SPG11: variants seen among roughly 807,000 people sequenced by gnomAD.
The protein encoded by SPG11 is spatacsin.
A neutral mutation model predicts 274.0 loss-of-function variants in SPG11; 222 were observed. The ratio of observed to expected loss-of-function variants is 0.81; its 90% CI spans 0.73 to 0.91. The LOEUF (loss-of-function observed/expected upper bound fraction) is 0.91. Ranked by LOEUF, SPG11 falls within the 40% of genes least tolerant of loss-of-function variation. The pLI, the probability that SPG11 is intolerant of heterozygous loss-of-function variation, is 0.00. For missense variants in SPG11, 3,114 were observed against 2,872.7 expected, an observed-to-expected ratio of 1.08 and a Z score of -1.92; for synonymous variants, 1,144 against 1,039.7, an observed-to-expected ratio of 1.10 and a Z score of -1.93.
At chr15:44,605,562 C>A (rs2083296960) in intron 20 of SPG11, among the ~76,000 whole-genome samples, 1 of 152,120 alleles carries the variant, frequency 6.6e-6, no homozygotes, top group Non-Finnish European at 1.5e-5. Flanking sequence ...GTGTGTGAAT[C>A]TGGTACTTAA....
intron 4 of SPG11, among the ~76,000 whole-genome samples, chr15:44,656,088 C>T: frequency 6.6e-6 from 1 of 151,970 alleles, no homozygotes; most frequent in Middle Eastern, 3.2e-3. Flanking sequence ...GAGGGATGGG[C>T]CTTCATAGGA....
At position 44,606,057 on chromosome 15, in the gene SPG11, C is replaced by A. The variant is rs376821867; in HGVS notation, c.3488G>T (p.Gly1163Val). ...AGCTAGTGTGTTAGCAGACTGCCAG[C>A]CAAACAATCTGCTAGGATCAAAGGG... ...LSPFDPSRLF[G>V]WQSANTLAIG... The change falls in exon 20 of 40, where the codon GGC (glycine) becomes GTC (valine). Residue 1163 changes from glycine to valine, a missense_variant. Gly to Val is a moderately radical substitution (Grantham distance 109). Coordinates refer to ENST00000261866, the MANE Select transcript of SPG11 (RefSeq NM_025137.4). 1.7e-5 allele frequency: 27 copies of A among 1,613,430 alleles called. No homozygotes were observed. Among genetic ancestry groups the A allele is most frequent in the South Asian group, 5.5e-5 (5 of 91,066 alleles).
At chr15:44,587,698 A>AAAAAAAAAAAAAC (rs1242902334) in intron 28 of SPG11, among the ~76,000 whole-genome samples, 3 of 145,942 alleles carry the variant, frequency 2.1e-5, no homozygotes, top group African/African-American at 7.7e-5. Flanking sequence ...TGTCTCAAAA[A>AAAAAAAAAAAAAC]AAAAAAAAAA....
chr15:44,635,595 C>CAAAAAAAAAAAAAAAA (rs56776994), intron 7 of SPG11, among the ~76,000 whole-genome samples: 1 of 54,088 alleles, frequency 1.8e-5, no homozygotes, highest in African/African-American at 6.1e-5. Context: ...AACCCTGTCT[C>CAAAAAAAAAAAAAAAA]AAAAAAAAAA....
rs141978410 is a variant in SPG11, at chr15:44,630,648, C to T, written c.1736-1260G>A. Among the ~76,000 whole-genome samples, 66 of 152,202 alleles carry T rather than the reference C, an allele frequency of 4.3e-4. No individual in the cohort carries two copies. In the East Asian group the frequency reaches 0.011, roughly 26 times the overall value. ...AGGCTGGAATGGAATGGAGCGATCT[C>T]GGGTCACTGCAACCTCCGCCTCCTC... On this transcript the variant is annotated intron_variant, in intron 8 of 39. Transcript: ENST00000261866.
intron 21 of SPG11, among the ~76,000 whole-genome samples, chr15:44,599,861 C>A (rs1264412110): frequency 1.3e-5 from 2 of 151,958 alleles, no homozygotes; most frequent in Non-Finnish European, 2.9e-5. Flanking sequence ...ATATAATTCC[C>A]TTTTTTTAAA....
intron 10 of SPG11, among the ~76,000 whole-genome samples, 190 bp from the exon 11 acceptor site, chr15:44,626,697 G>A (rs1011205069): frequency 2.6e-5 from 4 of 152,130 alleles, no homozygotes; most frequent in African/African-American, 7.2e-5. Context: ...AGGAGCTAGT[G>A]GAAGACACAC....
At chr15:44,578,621 C>A (rs1480399201) in intron 30 of SPG11, among the ~76,000 whole-genome samples, 1 of 152,166 alleles carries the variant, frequency 6.6e-6, no homozygotes, top group Non-Finnish European at 1.5e-5. Flanking sequence ...TCCTAAGTAG[C>A]ACAGATCACT....
intron 4 of SPG11, among the ~76,000 whole-genome samples, chr15:44,654,338 T>C (rs1206972735): frequency 6.6e-6 from 1 of 150,736 alleles, no homozygotes; most frequent in Non-Finnish European, 1.5e-5. Flanking sequence ...GGCGAAACCG[T>C]TTCTACTGAA....
chr15:44,641,810 A>G (rs1458293474), intron 7 of SPG11, among the ~76,000 whole-genome samples: 1 of 151,932 alleles, frequency 6.6e-6, no homozygotes, highest in Non-Finnish European at 1.5e-5. Flanking sequence ...TATCAATAAA[A>G]TTAAACATGT....
chr15:44,576,791 A>G (rs578247131), intron 30 of SPG11, among the ~76,000 whole-genome samples: 1 of 152,292 alleles, frequency 6.6e-6, no homozygotes, highest in African/African-American at 2.4e-5. Context: ...CAAGTAAAAG[A>G]TAGTTATTCT....
intron 4 of SPG11, among the ~76,000 whole-genome samples, chr15:44,654,286 G>C (rs2084871501): frequency 1.3e-5 from 2 of 152,134 alleles, no homozygotes; most frequent in Non-Finnish European, 2.9e-5. Context: ...GAGGCAGGTG[G>C]ATCACTTGAG....
At position 44,601,557 on chromosome 15, in the gene SPG11, CTTTT is replaced by C. The variant is rs776775388; in HGVS notation, c.3521-929_3521-926del. ...ATTACATGCGTGCGCCCAGCCTCTTCTTTTTTTTTTTTTTTTTTTAAATAGAATC... is the reference window on the plus strand; with the variant it reads ...ATTACATGCGTGCGCCCAGCCTCTTCTTTTTTTTTTTTTTTAAATAGAATC... On this transcript the variant is annotated intron_variant, in intron 20 of 39. Coordinates refer to ENST00000261866, the MANE Select transcript of SPG11 (RefSeq NM_025137.4). Among the ~76,000 whole-genome samples, 7 of 122,796 alleles carry C rather than the reference CTTTT, an allele frequency of 5.7e-5. No homozygotes were observed. The East Asian group carries it at 1.5e-3, about 26-fold the overall frequency. The allele number at this position is 122,796 out of a possible 152,430, so 80.6% of individuals were successfully genotyped here. A position where few individuals can be genotyped will look rare whatever the true frequency, so the allele number is the denominator to read the frequency against.
intron 23 of SPG11, among the ~76,000 whole-genome samples, chr15:44,597,499 G>A (rs929186403): frequency 3.6e-4 from 55 of 152,298 alleles, no homozygotes; most frequent in African/African-American, 1.3e-3. Flanking sequence ...CATCAATCAA[G>A]TACCTATTTA....
intron 15 of SPG11, among the ~76,000 whole-genome samples, chr15:44,617,069 T>C (rs1219634978): frequency 1.3e-5 from 2 of 152,178 alleles, no homozygotes; most frequent in Non-Finnish European, 2.9e-5. Flanking sequence ...CCTCTATGGG[T>C]TCTACTACGA....
At position 44,574,933 on chromosome 15, in the gene SPG11, C is replaced by T. The variant is rs141262934; in HGVS notation, c.5975G>A (p.Arg1992Gln). ...SKCLHGKNYC[R>Q]QVLCLYDLAK... ...AAGATCATACAGACAGAGGACCTGTCGACAGTAGTTCTTCCCATGGAGGCA... is the reference window on the plus strand; with the variant it reads ...AAGATCATACAGACAGAGGACCTGTTGACAGTAGTTCTTCCCATGGAGGCA... Residue 1992 changes from arginine (R) to glutamine (Q), a missense_variant, in exon 31 of 40, where the codon CGA (arginine) becomes CAA (glutamine). Physicochemically the swap from Arg to Gln is conservative, Grantham distance 43 (BLOSUM62 1). Coordinates refer to ENST00000261866, the MANE Select transcript of SPG11 (RefSeq NM_025137.4). The T allele has an allele frequency of 2.2e-5, 35 of 1,613,944 alleles. No homozygotes were observed. Among genetic ancestry groups the T allele is most frequent in the East Asian group, 4.5e-5 (2 of 44,894 alleles).
chr15:44,573,079 C>T (rs1328650112), intron 32 of SPG11, among the ~76,000 whole-genome samples: 1 of 150,894 alleles, frequency 6.6e-6, no homozygotes, highest in African/African-American at 2.4e-5. Context: ...CTCAGCCTCC[C>T]AGGTTCAAAC....
At chr15:44,611,028 ATAC>A (rs1567161663) in intron 17 of SPG11, 43 bp from the exon 18 acceptor site, 1 of 1,575,868 alleles carries the variant, frequency 6.3e-7, no homozygotes, top group Non-Finnish European at 8.7e-7. Context: ...AGAGGGATAA[ATAC>A]TAAATTAAGG....
rs138969879 is a variant in SPG11 at position 44,660,492 on chromosome 15, T to C, written c.382A>G (p.Thr128Ala). Reference sequence around the variant, plus strand: ...TCCCTACTACAGCTATACAAAATGGTTGCATCACATCTTCCATCTTTCAAA... The same window carrying C: ...TCCCTACTACAGCTATACAAAATGGCTGCATCACATCTTCCATCTTTCAAA... ...FNLKDGRCDA[T>A]ILYSCSREAL... The change falls in exon 2 of 40, where the codon ACC becomes GCC. Residue 128 changes from threonine to alanine, a missense_variant. Physicochemically the swap from Thr to Ala is moderately conservative, Grantham distance 58. Coordinates refer to ENST00000261866, the MANE Select transcript of SPG11 (RefSeq NM_025137.4). 3.7e-5 allele frequency: 59 copies of C among 1,614,168 alleles called. No individual in the cohort carries two copies. In the African/African-American group the frequency reaches 5.1e-4, roughly 14 times the overall value.
Sources: gnomAD v4.1 joint callset for allele counts (sites outside exome capture counted in the v4.1 genomes callset) on GRCh38, gnomAD v4.1.1 for gene constraint, MANE v1.5 for transcripts, NCBI Gene and HGNC (gene_info 2026-07-23, HGNC 2026-07-21) for gene names.